The following MAGEL2 variants were observed in gnomAD, a reference collection of about 807,000 sequenced individuals.
MAGEL2 encodes MAGE family member L2.
For synonymous variants in MAGEL2, 792 were observed against 721.7 expected (o/e 1.10, Z -1.56); for missense variants, 1,830 against 1,699.2 (o/e 1.08, Z -1.35).
At position 23,646,600 on chromosome 15, in the gene MAGEL2, G is replaced by T; in HGVS notation, c.1143C>A (p.Gly381=). The part of the protein sequence containing the change: ...TSPGWQATQQ[G]WQATPLTWQT... ...GCCAAGTCAGGGGAGTGGCCTGCCA[G>T]CCTTGCTGCGTGGCCTGCCATCCTG... Residue 381 remains glycine, a synonymous_variant, in exon 1 of 1, where the codon GGC becomes GGA. Coordinates refer to ENST00000650528, the MANE Select transcript of MAGEL2 (RefSeq NM_019066.5). The surrounding 1 kb of genome is among the most constrained non-coding windows in gnomAD (Gnocchi z 4.2). 1 of 1,472,424 alleles carries T rather than the reference G, an allele frequency of 6.8e-7. No individual in the cohort carries two copies. Among genetic ancestry groups the T allele is most frequent in the South Asian group, 1.4e-5 (1 of 72,650 alleles). 91.2% of individuals were successfully genotyped at this position (1,472,424 alleles called of 1,614,324 possible).
At position 23,646,637 on chromosome 15, in the gene MAGEL2, T is replaced by G; in HGVS notation, c.1106A>C (p.Gln369Pro). The change falls in exon 1 of 1, where the codon CAG becomes CCG. Residue 369 changes from glutamine (Q) to proline (P), a missense_variant. Gln to Pro is a moderately conservative substitution (Grantham distance 76, BLOSUM62 -1). Coordinates refer to ENST00000650528, the MANE Select transcript of MAGEL2 (RefSeq NM_019066.5). The surrounding 1 kb of genome is among the most constrained non-coding windows in gnomAD (Gnocchi z 4.2). ...GGCCTGCCATCCTGGCGAGGTCGCC[T>G]GCCAGCCCGGGGGTGTGGCTAGCTG... ...PAQLATPPGW[Q>P]ATSPGWQATQ... 6.8e-7 allele frequency: 1 copy of G among 1,479,194 alleles called. No individual in the cohort carries two copies. Among genetic ancestry groups the G allele is most frequent in the Non-Finnish European group, 8.9e-7 (1 of 1,119,136 alleles). 91.6% of individuals were successfully genotyped at this position (1,479,194 alleles called of 1,614,324 possible). A position where few individuals can be genotyped will look rare whatever the true frequency, so the allele number is the denominator to read the frequency against.
In MAGEL2 at chr15:23,645,498, G is replaced by T; in HGVS notation, c.2245C>A (p.Arg749Ser). ...SKERRAPSKD[R>S]MIFAATFCAP... ...CAGAAGGTGGCAGCAAAGATCATGC[G>T]GTCTTTTGAAGGGGCCCTGCGCTCC... The change falls in exon 1 of 1, where the codon CGC becomes AGC. Residue 749 changes from arginine to serine, a missense_variant. Coordinates refer to ENST00000650528, the MANE Select transcript of MAGEL2 (RefSeq NM_019066.5). 6.2e-7 allele frequency: 1 copy of T among 1,613,980 alleles called. No homozygotes were observed. Among genetic ancestry groups the T allele is most frequent in the Non-Finnish European group, 8.5e-7 (1 of 1,179,888 alleles).
rs763458440 is a variant in MAGEL2, at chr15:23,645,633, C to T, written c.2110G>A (p.Ala704Thr). ...TTAGCGGAGCCCAGGGGAAAATTTG[C>T]CGCTGCTACCGGGGGTCCGGGCTGG... ...QAQPGPPVAA[A>T]NFPLGSAKSL... The change falls in exon 1 of 1, where the codon GCA (alanine) becomes ACA (threonine). Residue 704 changes from alanine to threonine, a missense_variant. Physicochemically the swap from Ala to Thr is moderately conservative, Grantham distance 58. Transcript: ENST00000650528. 34 of 1,586,360 alleles carry T rather than the reference C, an allele frequency of 2.1e-5. No homozygotes were observed. Among genetic ancestry groups the T allele is most frequent in the Middle Eastern group, 1.7e-4 (1 of 5,954 alleles).
chr15:23,647,854 G>C lies in MAGEL2; in HGVS notation c.-112C>G, dbSNP rs1595334394. The C allele has an allele frequency of 8.8e-7, 1 of 1,140,528 alleles. No homozygotes were observed. The highest frequency in any genetic ancestry group is 2.7e-5 in the East Asian group (1 of 36,458). The allele number at this position is 1,140,528 out of a possible 1,614,324, so 70.7% of individuals were successfully genotyped here. ...TTCAGAGGCTCCCTCCCTGCTGAATGCTGAATAGGAAGTGAGTGCTGCTCG... is the reference window on the plus strand; with the variant it reads ...TTCAGAGGCTCCCTCCCTGCTGAATCCTGAATAGGAAGTGAGTGCTGCTCG... On this transcript the variant is annotated 5_prime_UTR_variant, in exon 1 of 1. Transcript: ENST00000650528.
Position 23,646,063 on chromosome 15 carries a change from C to A in MAGEL2, c.1680G>T (p.Gln560His), listed in dbSNP as rs1890394839. 2.7e-6 allele frequency: 4 copies of A among 1,506,722 alleles called. No homozygotes were observed. Among genetic ancestry groups the A allele is most frequent in the African/African-American group, 1.4e-5 (1 of 71,084 alleles). The allele number at this position is 1,506,722 out of a possible 1,614,324, so 93.3% of individuals were successfully genotyped here. The change falls in exon 1 of 1, where the codon CAG (glutamine) becomes CAT (histidine). Residue 560 changes from glutamine (Q) to histidine (H), a missense_variant. Physicochemically the swap from Gln to His is conservative, Grantham distance 24 (BLOSUM62 0). Transcript: ENST00000650528. This position sits in a 1 kb window ranked among gnomAD's most constrained non-coding sequence, Gnocchi z 4.2. ...GGGCCGGCAGCACAGGCTGGGGCAC[C>A]TGCGGGCCAGCGGGCGGCGCCGCGG... Reference protein sequence around the residue: ...QVPAAPPAGPQVPQPVLPAPL... With the variant: ...QVPAAPPAGPHVPQPVLPAPL...
rs1436766634 is a variant in MAGEL2 at position 23,644,638 on chromosome 15, G to T, written c.3105C>A (p.Asp1035Glu). 6.2e-7 allele frequency: 1 copy of T among 1,613,878 alleles called. No individual in the cohort carries two copies. Among genetic ancestry groups the T allele is most frequent in the Non-Finnish European group, 8.5e-7 (1 of 1,179,858 alleles). Residue 1035 changes from aspartate to glutamate, a missense_variant, in exon 1 of 1, where the codon GAC becomes GAA. Physicochemically the swap from Asp to Glu is conservative, Grantham distance 45. Transcript: ENST00000650528. ...AGCGCTGGACAGGCACCTTGGCTTG[G>T]TCCTTGACTAAGAGGAACTGCACCA... Reference protein sequence around the residue: ...NALVQFLLVKDQAKVPVQRSE... With the variant: ...NALVQFLLVKEQAKVPVQRSE...
In MAGEL2 at chr15:23,647,390, G is replaced by A. The variant is rs1131691985; in HGVS notation, c.353C>T (p.Pro118Leu). The stretch of plus-strand genomic sequence containing the variant: ...TCCCGGGGTCGGAGGCTGGGCCATC[G>A]GGGCTCCCGGAGGTGGAGGATGCAC... ...LMVHPPPPGA[P>L]MAQPPTPGVL... Residue 118 changes from proline to leucine, a missense_variant, in exon 1 of 1, where the codon CCG (proline) becomes CTG (leucine). Coordinates refer to ENST00000650528, the MANE Select transcript of MAGEL2 (RefSeq NM_019066.5). 1.3e-6 allele frequency: 2 copies of A among 1,536,726 alleles called. No homozygotes were observed. Among genetic ancestry groups the A allele is most frequent in the Non-Finnish European group, 1.7e-6 (2 of 1,146,798 alleles).
At position 23,644,830 on chromosome 15, in the gene MAGEL2, C is replaced by G; in HGVS notation, c.2913G>C (p.Glu971Asp). 6.2e-7 allele frequency: 1 copy of G among 1,612,532 alleles called. No homozygotes were observed. Among genetic ancestry groups the G allele is most frequent in the Non-Finnish European group, 8.5e-7 (1 of 1,179,712 alleles). Reference protein sequence around the residue: ...PSASWALSAWEGPSTSRALGL... With the variant: ...PSASWALSAWDGPSTSRALGL... ...CCAGGGCCCTGGAGGTGCTCGGGCC[C>G]TCCCAGGCACTCAGGGCCCAGGATG... The change falls in exon 1 of 1, where the codon GAG (glutamate) becomes GAC (aspartate). Residue 971 changes from glutamate (E) to aspartate (D), a missense_variant. By Grantham distance (45) the Glu-to-Asp change is conservative. Coordinates refer to ENST00000650528, the MANE Select transcript of MAGEL2 (RefSeq NM_019066.5).
In MAGEL2 at chr15:23,646,873, A is replaced by C; in HGVS notation, c.870T>G (p.His290Gln). 6.5e-7 allele frequency: 1 copy of C among 1,536,494 alleles called. No individual in the cohort carries two copies. The highest frequency in any genetic ancestry group is 8.7e-7 in the Non-Finnish European group (1 of 1,146,756). The change falls in exon 1 of 1, where the codon CAT (histidine) becomes CAG (glutamine). Residue 290 changes from histidine to glutamine, a missense_variant. Physicochemically the swap from His to Gln is conservative, Grantham distance 24. Transcript: ENST00000650528. The surrounding 1 kb of genome is among the most constrained non-coding windows in gnomAD (Gnocchi z 4.2). ...KPPGPGVLMI[H>Q]PPGARAPMTQ... ...TCATCGGAGCTCTCGCACCTGGAGG[A>C]TGAATCATCAGGACTCCTGGACCTG...
chr15:23,647,242 G>A lies in MAGEL2; in HGVS notation c.501C>T (p.Thr167=). Residue 167 remains threonine (T), a synonymous_variant, in exon 1 of 1, where the codon ACC becomes ACT. Coordinates refer to ENST00000650528, the MANE Select transcript of MAGEL2 (RefSeq NM_019066.5). ...CCGGAGGAGGAGGATGGGCCATCGG[G>A]GTCCCCGGAGGAGGAGGATGGGCCA... ...TPMAHPPPPG[T]PMAHPPPPGT... is the part of the protein sequence containing the mutation. 1 of 1,525,472 alleles carries A rather than the reference G, an allele frequency of 6.6e-7. No individual in the cohort carries two copies. Among genetic ancestry groups the A allele is most frequent in the Non-Finnish European group, 8.8e-7 (1 of 1,140,346 alleles). The allele number at this position is 1,525,472 out of a possible 1,614,324, so 94.5% of individuals were successfully genotyped here.
chr15:23,647,340 G>A lies in MAGEL2; in HGVS notation c.403C>T (p.Pro135Ser), dbSNP rs1192317769. 1 of 1,536,666 alleles carries A rather than the reference G, an allele frequency of 6.5e-7. No homozygotes were observed. The highest frequency in any genetic ancestry group is 1.2e-5 in the South Asian group (1 of 84,036). ...GGAGGATGGGCCATGGGAGCTCCGG[G>A]AGCTGAAGGATGCACCATCAGGACT... The part of the protein sequence containing the change: ...PGVLMVHPSA[P>S]GAPMAHPPPP... Residue 135 changes from proline to serine, a missense_variant, in exon 1 of 1, where the codon CCC becomes TCC. Transcript: ENST00000650528.
In MAGEL2 at chr15:23,644,168, G is replaced by A; in HGVS notation, c.3575C>T (p.Thr1192Ile). Residue 1192 changes from threonine (T) to isoleucine (I), a missense_variant, in exon 1 of 1, where the codon ACC becomes ATC. By Grantham distance (89) the Thr-to-Ile change is moderately conservative. Transcript: ENST00000650528. ...AAACCTCAGGACAAGCATCTTGCTG[G>A]TTTCCAGGAATGCTCGAGGGCCCCA... The part of the protein sequence containing the change: ...FLWGPRAFLE[T>I]SKMLVLRFLA... 1 of 1,613,934 alleles carries A rather than the reference G, an allele frequency of 6.2e-7. No homozygotes were observed. The highest frequency in any genetic ancestry group is 1.1e-5 in the South Asian group (1 of 91,066).
Position 23,646,476 on chromosome 15 carries a change from T to C in MAGEL2, c.1267A>G (p.Ile423Val). Residue 423 changes from isoleucine to valine, a missense_variant, in exon 1 of 1, where the codon ATC (isoleucine) becomes GTC (valine). Physicochemically the swap from Ile to Val is conservative, Grantham distance 29. Coordinates refer to ENST00000650528, the MANE Select transcript of MAGEL2 (RefSeq NM_019066.5). The surrounding 1 kb of genome is among the most constrained non-coding windows in gnomAD (Gnocchi z 4.2). ...PPPIRPGPPP[I>V]RPGPPPVRQA... ...CGCACCGGTGGTGGGCCAGGGCGGA[T>C]GGGTGGTGGGCCAGGGCGGATGGGC... 3 of 1,427,662 alleles carry C rather than the reference T, an allele frequency of 2.1e-6. No individual in the cohort carries two copies. Among genetic ancestry groups the C allele is most frequent in the Non-Finnish European group, 2.7e-6 (3 of 1,099,774 alleles). The allele number at this position is 1,427,662 out of a possible 1,614,324, so 88.4% of individuals were successfully genotyped here. A position where few individuals can be genotyped will look rare whatever the true frequency, so the allele number is the denominator to read the frequency against.
rs1160160463 is a variant in MAGEL2, at chr15:23,647,694, C to T, written c.49G>A (p.Ala17Thr). ...NLGDSSPPAEAPKPPVYSRPT... is the reference protein window; with the variant it reads ...NLGDSSPPAETPKPPVYSRPT... ...CGGCTATAGACAGGCGGCTTCGGGG[C>T]CTCCGCCGGAGGACTCGAGTCACCC... Residue 17 changes from alanine (A) to threonine (T), a missense_variant, in exon 1 of 1, where the codon GCC becomes ACC. Transcript: ENST00000650528. 3 of 1,495,008 alleles carry T rather than the reference C, an allele frequency of 2.0e-6. No homozygotes were observed. The highest frequency in any genetic ancestry group is 2.7e-6 in the Non-Finnish European group (3 of 1,129,506). The allele number at this position is 1,495,008 out of a possible 1,614,324, so 92.6% of individuals were successfully genotyped here. A position where few individuals can be genotyped will look rare whatever the true frequency, so the allele number is the denominator to read the frequency against.
chr15:23,646,445 G>T lies in MAGEL2; in HGVS notation c.1298C>A (p.Ala433Asp), dbSNP rs896538088. ...TGGGGCCTGGCGGATCAGCGGTGGG[G>T]CCTGTCGCACCGGTGGTGGGCCAGG... ...IRPGPPPVRQ[A>D]PPLIRQAPPV... The change falls in exon 1 of 1, where the codon GCC (alanine) becomes GAC (aspartate). Residue 433 changes from alanine to aspartate, a missense_variant. Transcript: ENST00000650528. This position sits in a 1 kb window ranked among gnomAD's most constrained non-coding sequence, Gnocchi z 4.2. The T allele has an allele frequency of 4.9e-6, 7 of 1,425,340 alleles. No homozygotes were observed. In the African/African-American group the frequency reaches 7.4e-5, roughly 15 times the overall value. The allele number at this position is 1,425,340 out of a possible 1,614,324, so 88.3% of individuals were successfully genotyped here.
chr15:23,644,301 C>T lies in MAGEL2; in HGVS notation c.3442G>A (p.Gly1148Ser), dbSNP rs373117296. Residue 1148 changes from glycine to serine, a missense_variant, in exon 1 of 1, where the codon GGT (glycine) becomes AGT (serine). By Grantham distance (56) the Gly-to-Ser change is moderately conservative. Transcript: ENST00000650528. ...KLGLDVRETNGLFGNTKKLIT... is the reference protein window; with the variant it reads ...KLGLDVRETNSLFGNTKKLIT... ...AGCTTCTTAGTATTTCCAAAGAGAC[C>T]GTTTGTCTCCCGGACATCCAACCCT... The T allele has an allele frequency of 5.0e-6, 8 of 1,613,562 alleles. No individual in the cohort carries two copies. In the Admixed American group the frequency reaches 6.7e-5, roughly 13 times the overall value.
At position 23,647,285 on chromosome 15, in the gene MAGEL2, G is replaced by A; in HGVS notation, c.458C>T (p.Pro153Leu). 13 of 1,535,418 alleles carry A rather than the reference G, an allele frequency of 8.5e-6. No individual in the cohort carries two copies. The highest frequency in any genetic ancestry group is 1.0e-5 in the Non-Finnish European group (12 of 1,146,166). The change falls in exon 1 of 1, where the codon CCC becomes CTC. Residue 153 changes from proline (P) to leucine (L), a missense_variant. Physicochemically the swap from Pro to Leu is moderately conservative, Grantham distance 98 (BLOSUM62 -3). Coordinates refer to ENST00000650528, the MANE Select transcript of MAGEL2 (RefSeq NM_019066.5). ...ATGGGCCATTGGGGTCCCCGGAGGG[G>A]GAGGGTGGGACATTGGGGTCCCCGG... ...PPPGTPMSHP[P>L]PPGTPMAHPP...
rs1259714964 is a variant in MAGEL2 at position 23,647,645 on chromosome 15, G to A, written c.98C>T (p.Pro33Leu). 3 of 1,536,318 alleles carry A rather than the reference G, an allele frequency of 2.0e-6. No homozygotes were observed. Among genetic ancestry groups the A allele is most frequent in the Non-Finnish European group, 1.7e-6 (2 of 1,146,698 alleles). Residue 33 changes from proline to leucine, a missense_variant, in exon 1 of 1, where the codon CCG becomes CTG. Pro to Leu is a moderately conservative substitution (Grantham distance 98). Coordinates refer to ENST00000650528, the MANE Select transcript of MAGEL2 (RefSeq NM_019066.5). ...TGGCGGAGCCCGGGAGGAAGCGGGC[G>A]GGGCCCGCATCAGAACCGTAGGGCG... ...YSRPTVLMRA[P>L]PASSRAPPVP...
chr15:23,645,613 G>A lies in MAGEL2; in HGVS notation c.2130C>T (p.Ser710=), dbSNP rs1319109113. Residue 710 remains serine (S), a synonymous_variant, in exon 1 of 1, where the codon TCC becomes TCT. Coordinates refer to ENST00000650528, the MANE Select transcript of MAGEL2 (RefSeq NM_019066.5). The part of the protein sequence containing the change: ...PVAAANFPLG[S]AKSLMTPSGE... ...CTGATGGAGTCATCAATGATTTAGC[G>A]GAGCCCAGGGGAAAATTTGCCGCTG... is the stretch of plus-strand genomic sequence containing the variant. 4 of 1,595,838 alleles carry A rather than the reference G, an allele frequency of 2.5e-6. No individual in the cohort carries two copies. Among genetic ancestry groups the A allele is most frequent in the South Asian group, 2.3e-5 (2 of 87,996 alleles).
Sources: gnomAD v4.1 joint callset for allele counts on GRCh38, gnomAD v4.1.1 for gene constraint, Gnocchi (gnomAD v3.1) non-coding constraint, MANE v1.5 for transcripts, NCBI Gene and HGNC (gene_info 2026-07-23, HGNC 2026-07-21) for gene names.